The following ABHD17C variants were observed in gnomAD, a reference collection of about 807,000 sequenced individuals.
ABHD17C encodes the protein alpha/beta hydrolase domain-containing protein 17C.
ABHD17C carries 11 observed loss-of-function variants against 27.9 expected under a neutral mutation model. The ratio of observed to expected loss-of-function variants is 0.39; its 90% CI spans 0.25 to 0.65. ABHD17C has a LOEUF of 0.65. Ranked by LOEUF, ABHD17C falls within the 30% of genes least tolerant of loss-of-function variation. The probability of loss-of-function intolerance (pLI) is 0.45; values close to 1 mark genes in which losing one functional copy is unlikely to be tolerated. For synonymous variants in ABHD17C, 233 were observed against 209.1 expected (o/e 1.11, Z -0.98); for missense variants, 280 against 470.2 (o/e 0.60, Z 3.74).
rs1895338959 is a variant in ABHD17C, at chr15:80,749,500, C to A, written c.591-13C>A. 6.2e-7 allele frequency: 1 copy of A among 1,612,278 alleles called. No homozygotes were observed. The highest frequency in any genetic ancestry group is 1.1e-5 in the South Asian group (1 of 90,924). On this transcript the variant is annotated splice_polypyrimidine_tract_variant and intron_variant, in intron 1 of 2. Transcript: ENST00000258884. ...TACCTTAGCTAATGGCATACAACCT[C>A]TGATTTCTCCAGGTATGGCGTGAGT...
rs752139113 is a variant in ABHD17C, at chr15:80,716,687, G to A, written c.590+20668G>A. Among the ~76,000 whole-genome samples the A allele has an allele frequency of 1.1e-4, 16 of 152,292 alleles. 1 individual carries two copies. Among genetic ancestry groups the A allele is most frequent in the Admixed American group, 5.9e-4 (9 of 15,300 alleles). ...TAAGCTCCATGAAGGCAGAAGTGGC[G>A]TCTTGTTCATATTTGAATTCCCTAC... On this transcript the variant is annotated intron_variant, in intron 1 of 2. Coordinates refer to ENST00000258884, the MANE Select transcript of ABHD17C (RefSeq NM_021214.2).
chr15:80,704,363 C>T (rs777443614), intron 1 of ABHD17C, among the ~76,000 whole-genome samples: 2 of 152,106 alleles, frequency 1.3e-5, no homozygotes, highest in Non-Finnish European at 2.9e-5. Flanking sequence ...CACTGTGGCC[C>T]ACCCCACCTA....
intron 1 of ABHD17C, among the ~76,000 whole-genome samples, chr15:80,720,778 A>G (rs1596065175): frequency 6.6e-6 from 1 of 151,948 alleles, no homozygotes; most frequent in East Asian, 1.9e-4. Flanking sequence ...AAAATTAGCC[A>G]GGCGTGGTGA....
At chr15:80,707,755 G>A (rs1434074717) in intron 1 of ABHD17C, among the ~76,000 whole-genome samples, 1 of 152,138 alleles carries the variant, frequency 6.6e-6, no homozygotes, top group Non-Finnish European at 1.5e-5. Context: ...TTTTGGTGGG[G>A]AGGGGCAGAG....
Position 80,746,762 on chromosome 15 carries a change from CTCT to C in ABHD17C, c.591-2749_591-2747del, listed in dbSNP as rs1895291941. Among the ~76,000 whole-genome samples the C allele has an allele frequency of 2.0e-5, 3 of 152,322 alleles. No homozygotes were observed. In the South Asian group the frequency reaches 6.2e-4, roughly 32 times the overall value. On this transcript the variant is annotated intron_variant, in intron 1 of 2. Coordinates refer to ENST00000258884, the MANE Select transcript of ABHD17C (RefSeq NM_021214.2). ...CTCTGCCTTGTCTCCTGGGCTGTGCCTCTTGGGTCGGTGCCTGTTCCTTCCTTT... is the reference window on the plus strand; with the variant it reads ...CTCTGCCTTGTCTCCTGGGCTGTGCCTGGGTCGGTGCCTGTTCCTTCCTTT...
At chr15:80,711,227 A>G (rs1239469896) in intron 1 of ABHD17C, among the ~76,000 whole-genome samples, 3 of 152,156 alleles carry the variant, frequency 2.0e-5, no homozygotes, top group Non-Finnish European at 4.4e-5. Flanking sequence ...CAGGCCTTTA[A>G]AAGAACCCAG....
At chr15:80,706,983 A>G (rs978614921) in intron 1 of ABHD17C, among the ~76,000 whole-genome samples, 3 of 152,234 alleles carry the variant, frequency 2.0e-5, no homozygotes, top group Non-Finnish European at 4.4e-5. Context: ...CATGTTTTAT[A>G]GTATACAAGA....
intron 1 of ABHD17C, among the ~76,000 whole-genome samples, chr15:80,737,869 T>C (rs1895154839): frequency 6.6e-6 from 1 of 152,078 alleles, no homozygotes; most frequent in African/African-American, 2.4e-5. Context: ...AATGTTGGAA[T>C]AGTCGGATGG....
At chr15:80,721,022 C>T (rs1206711426) in intron 1 of ABHD17C, among the ~76,000 whole-genome samples, 1 of 151,492 alleles carries the variant, frequency 6.6e-6, no homozygotes, top group Non-Finnish European at 1.5e-5. Flanking sequence ...TTTAATATTT[C>T]TTTCAAAATT....
chr15:80,710,507 A>G (rs922740827), intron 1 of ABHD17C, among the ~76,000 whole-genome samples: 4 of 152,192 alleles, frequency 2.6e-5, no homozygotes, highest in Non-Finnish European at 4.4e-5. Context: ...TGAGAGACCA[A>G]TTAGGATGCA....
chr15:80,732,581 G>A (rs1895071893), intron 1 of ABHD17C, among the ~76,000 whole-genome samples: 1 of 152,210 alleles, frequency 6.6e-6, no homozygotes, highest in East Asian at 1.9e-4. Flanking sequence ...CGGGGTGGGG[G>A]GATAGAAGGT....
chr15:80,750,880 T>G (rs2141524815), intron 2 of ABHD17C, among the ~76,000 whole-genome samples: 1 of 145,634 alleles, frequency 6.9e-6, no homozygotes, highest in East Asian at 2.0e-4. Context: ...AAACTAATAG[T>G]TTTTTTTTTT....
intron 1 of ABHD17C, among the ~76,000 whole-genome samples, chr15:80,713,900 C>CCACACACACA (rs58311304): frequency 0.019 from 2,633 of 141,104 alleles, 47 homozygotes; most frequent in Admixed American, 0.054. Flanking sequence ...CATATACAGA[C>CCACACACACA]CACACACACA....
intron 1 of ABHD17C, among the ~76,000 whole-genome samples, chr15:80,703,679 C>G (rs1018988993): frequency 6.6e-6 from 1 of 152,158 alleles, no homozygotes; most frequent in African/African-American, 2.4e-5. Flanking sequence ...AGAGTTGAGA[C>G]ACACTAGCCT....
intron 1 of ABHD17C, among the ~76,000 whole-genome samples, chr15:80,718,912 T>C (rs945489699): frequency 7.2e-5 from 11 of 152,214 alleles, no homozygotes; most frequent in Admixed American, 5.9e-4. Flanking sequence ...CAGCATTTCA[T>C]GTCCTCATAC....
chr15:80,730,741 A>G (rs1175221781), intron 1 of ABHD17C, among the ~76,000 whole-genome samples: 5 of 152,206 alleles, frequency 3.3e-5, no homozygotes, highest in Non-Finnish European at 7.3e-5. Flanking sequence ...GTTGCTTGCA[A>G]AAGAAACGGA....
At chr15:80,728,978 A>G (rs1174791065) in intron 1 of ABHD17C, among the ~76,000 whole-genome samples, 2 of 152,256 alleles carry the variant, frequency 1.3e-5, no homozygotes, top group Non-Finnish European at 2.9e-5. Flanking sequence ...TGCCAGCCAC[A>G]TGAAACGAAT....
intron 1 of ABHD17C, among the ~76,000 whole-genome samples, chr15:80,732,473 A>G (rs1895070361): frequency 6.6e-6 from 1 of 152,134 alleles, no homozygotes; most frequent in Admixed American, 6.5e-5. Flanking sequence ...AATAAAGTGG[A>G]CCATCTGTGT....
chr15:80,746,266 C>A (rs1469742919), intron 1 of ABHD17C, among the ~76,000 whole-genome samples: 1 of 150,906 alleles, frequency 6.6e-6, no homozygotes, highest in Non-Finnish European at 1.5e-5. Context: ...TTGTGAAATT[C>A]TATTTTTCTT....
Sources: gnomAD v4.1 joint callset for allele counts (sites outside exome capture counted in the v4.1 genomes callset) on GRCh38, gnomAD v4.1.1 for gene constraint, MANE v1.5 for transcripts, NCBI Gene and HGNC (gene_info 2026-07-23, HGNC 2026-07-21) for gene names.